PRIM2: variants seen among roughly 807,000 people sequenced by gnomAD.
PRIM2 encodes the protein DNA primase subunit 2, also known as DNA primase large subunit.
PRIM2 carries 39 observed loss-of-function variants against 67.3 expected under a neutral mutation model. The observed-to-expected ratio is 0.58, with a 90% CI of 0.45 to 0.76. The LOEUF is 0.76. Among genes scored for constraint, PRIM2 ranks in the 30% least tolerant of loss-of-function variants. The probability of loss-of-function intolerance (pLI) is 0.00; values close to 1 mark genes in which losing one functional copy is unlikely to be tolerated. For synonymous variants in PRIM2, 143 were observed against 198.7 expected (o/e 0.72, Z 2.36); for missense variants, 398 against 598.7 (o/e 0.66, Z 3.50).
intron 12 of PRIM2, among the ~76,000 whole-genome samples, chr6:57,611,864 T>A (rs1776673180): frequency 6.6e-6 from 1 of 152,014 alleles, no homozygotes. Flanking sequence ...ATAAAAGATG[T>A]GAATCCAAAA....
At chr6:57,367,296 C>CTCTT (rs1203019944) in intron 5 of PRIM2, among the ~76,000 whole-genome samples, 5 of 151,990 alleles carry the variant, frequency 3.3e-5, no homozygotes, top group Admixed American at 6.5e-5. Flanking sequence ...CTATTTTTGT[C>CTCTT]TCTTTGTTAA....
chr6:57,492,861 G>A (rs1773929505), intron 7 of PRIM2, among the ~76,000 whole-genome samples: 2 of 152,160 alleles, frequency 1.3e-5, no homozygotes, highest in East Asian at 3.8e-4. Context: ...CTGCCTTTAA[G>A]ACTTCCATTT....
At chr6:57,610,427 T>TTTTATA (rs1776647183) in intron 12 of PRIM2, among the ~76,000 whole-genome samples, 1 of 152,164 alleles carries the variant, frequency 6.6e-6, no homozygotes, top group African/African-American at 2.4e-5. Flanking sequence ...TCATTGTGAC[T>TTTTATA]CAGCTGGTGT....
intron 8 of PRIM2, among the ~76,000 whole-genome samples, chr6:57,525,537 C>T (rs1330279558): frequency 2.0e-5 from 3 of 152,162 alleles, no homozygotes; most frequent in Admixed American, 6.5e-5. Context: ...TTCAGTTCCC[C>T]AAGATCACCC....
the PRIM2 span, among the ~76,000 whole-genome samples, chr6:57,256,694 CCTTT>C: frequency 7.0e-6 from 1 of 142,028 alleles, no homozygotes; most frequent in Admixed American, 7.1e-5. Flanking sequence ...CACAGTTTTT[CCTTT>C]CTCTTTCTCT....
At chr6:57,493,158 C>T (rs1407681651) in intron 7 of PRIM2, among the ~76,000 whole-genome samples, 1 of 152,152 alleles carries the variant, frequency 6.6e-6, no homozygotes, top group Non-Finnish European at 1.5e-5. Flanking sequence ...CAGATTTATT[C>T]TTGCTCCTAT....
chr6:57,591,687 C>T (rs1475459876), intron 10 of PRIM2, among the ~76,000 whole-genome samples: 20 of 152,220 alleles, frequency 1.3e-4, no homozygotes, highest in Non-Finnish European at 2.5e-4. Context: ...ATGGCGAGAT[C>T]GTGGAGAAAA....
intron 7 of PRIM2, among the ~76,000 whole-genome samples, chr6:57,420,596 A>G (rs1771432053): frequency 6.6e-6 from 1 of 152,210 alleles, no homozygotes. Context: ...AGCTTCTTCC[A>G]TGTTCAGCTA....
intron 10 of PRIM2, among the ~76,000 whole-genome samples, chr6:57,582,368 TTTGTACTTCAGTTCC>T (rs1178675012): frequency 6.6e-6 from 1 of 152,234 alleles, no homozygotes; most frequent in Non-Finnish European, 1.5e-5. Flanking sequence ...TTTCTCTGAA[TTTGTACTTCAGTTCC>T]TTGTCGTGTC....
chr6:57,231,530 T>C, the PRIM2 span, among the ~76,000 whole-genome samples: 1 of 152,134 alleles, frequency 6.6e-6, no homozygotes, highest in Non-Finnish European at 1.5e-5. Flanking sequence ...ACCACTCACA[T>C]CCAGATACTG....
intron 12 of PRIM2, among the ~76,000 whole-genome samples, chr6:57,620,607 A>G: frequency 6.6e-6 from 1 of 152,344 alleles, no homozygotes; most frequent in Non-Finnish European, 1.5e-5. Flanking sequence ...TCAAAACAGA[A>G]TATCTTTAAA....
intron 12 of PRIM2, among the ~76,000 whole-genome samples, chr6:57,631,919 TTG>T (rs1455410246): frequency 1.3e-5 from 2 of 152,198 alleles, no homozygotes; most frequent in Non-Finnish European, 2.9e-5. Context: ...TCACTGTCTC[TTG>T]TCATCTGTGG....
rs1191781436 is a variant in PRIM2 at position 57,324,197 on chromosome 6, T to G, written c.259-4T>G. The stretch of plus-strand genomic sequence containing the variant: ...TATTTTATTCATGTGTCATTATTTT[T>G]AAGGAAAACTTAGAAGATGAATATG... On this transcript the variant is annotated splice_region_variant and splice_polypyrimidine_tract_variant and intron_variant, in intron 3 of 13. Transcript: ENST00000615550. The G allele has an allele frequency of 6.5e-7, 1 of 1,538,026 alleles. No individual in the cohort carries two copies. The highest frequency in any genetic ancestry group is 1.1e-5 in the South Asian group (1 of 87,708).
chr6:57,579,098 TA>T (rs1582000993), intron 10 of PRIM2, among the ~76,000 whole-genome samples: 1 of 151,648 alleles, frequency 6.6e-6, no homozygotes, highest in African/African-American at 2.4e-5. Flanking sequence ...TAAATTCTCT[TA>T]AAAAAATAAA....
At chr6:57,341,495 A>G (rs1052038408) in intron 5 of PRIM2, among the ~76,000 whole-genome samples, 49 of 152,204 alleles carry the variant, frequency 3.2e-4, no homozygotes, top group African/African-American at 1.1e-3. Context: ...GGACTCTCCC[A>G]TGGCATCTGA....
At chr6:57,538,101 G>A (rs1160212433) in intron 10 of PRIM2, among the ~76,000 whole-genome samples, 2 of 151,618 alleles carry the variant, frequency 1.3e-5, no homozygotes, top group Non-Finnish European at 2.9e-5. Flanking sequence ...CTGCAGCCTC[G>A]ACCTTTGGGC....
chr6:57,512,781 G>A (rs1774398583), intron 8 of PRIM2, among the ~76,000 whole-genome samples: 1 of 151,962 alleles, frequency 6.6e-6, no homozygotes, highest in Non-Finnish European at 1.5e-5. Context: ...ATTTTTAGTA[G>A]GGATGGGGTT....
the PRIM2 span, among the ~76,000 whole-genome samples, chr6:57,250,158 T>A: frequency 1.3e-5 from 2 of 152,208 alleles, no homozygotes; most frequent in African/African-American, 4.8e-5. Context: ...CCTTGACTGG[T>A]TTTTCATTCC....
At chr6:57,507,144 C>G (rs1349217277) in intron 7 of PRIM2, among the ~76,000 whole-genome samples, 1 of 152,070 alleles carries the variant, frequency 6.6e-6, no homozygotes, top group Non-Finnish European at 1.5e-5. Flanking sequence ...CTGTTTTGCT[C>G]ACCTTTTTCT....
Sources: gnomAD v4.1 joint callset for allele counts (sites outside exome capture counted in the v4.1 genomes callset) on GRCh38, gnomAD v4.1.1 for gene constraint, MANE v1.5 for transcripts, NCBI Gene and HGNC (gene_info 2026-07-23, HGNC 2026-07-21) for gene names.